The following P2RY12 variants were observed in gnomAD, a reference collection of about 807,000 sequenced individuals.
P2RY12 encodes P2Y purinoceptor 12.
Under a neutral mutation model 4.5 loss-of-function variants are expected in P2RY12, and 3 were observed. The ratio of observed to expected loss-of-function variants is 0.67; its 90% confidence interval spans 0.31 to 1.74. The LOEUF is 1.74. Among genes scored for constraint, P2RY12 ranks in the 40% most tolerant of loss-of-function variants. The pLI is 0.09. For missense variants in P2RY12, 356 were observed against 407.8 expected (o/e 0.87, Z 1.09); for synonymous variants, 148 against 154.1 (o/e 0.96, Z 0.29).
chr3:151,368,057 T>TA, intron 1 of P2RY12: 1 of 623,156 alleles, frequency 1.6e-6, no homozygotes, highest in South Asian at 2.4e-5. Flanking sequence ...TTTATTTAAA[T>TA]AATTATTCCA....
At chr3:151,359,048 CAGT>C (rs1189264266) in intron 1 of P2RY12, among the ~76,000 whole-genome samples, 2 of 152,072 alleles carry the variant, frequency 1.3e-5, no homozygotes, top group East Asian at 1.9e-4. Flanking sequence ...GCATAGTACT[CAGT>C]AGGTAGTTTT....
intron 1 of P2RY12, among the ~76,000 whole-genome samples, chr3:151,382,353 G>A (rs965209905): frequency 6.6e-6 from 1 of 152,098 alleles, no homozygotes; most frequent in Non-Finnish European, 1.5e-5. Context: ...ATGAGGTAAT[G>A]TATTTTAAAA....
intron 1 of P2RY12, chr3:151,350,089 C>T (rs1753031844): frequency 1.2e-6 from 2 of 1,612,134 alleles, no homozygotes; most frequent in Non-Finnish European, 8.5e-7. Flanking sequence ...ATGTAACCAG[C>T]GCACAATCCT....
intron 1 of P2RY12, among the ~76,000 whole-genome samples, chr3:151,381,890 T>A (rs1712419865): frequency 6.6e-6 from 1 of 152,230 alleles, no homozygotes; most frequent in Non-Finnish European, 1.5e-5. Context: ...GGAGTACTTC[T>A]GCATGTGACT....
chr3:151,344,593 G>A (rs796603311), intron 1 of P2RY12, among the ~76,000 whole-genome samples: 6 of 152,280 alleles, frequency 3.9e-5, no homozygotes, highest in African/African-American at 1.4e-4. Flanking sequence ...GTTGCTATGT[G>A]CAGTTTACTT....
intron 1 of P2RY12, among the ~76,000 whole-genome samples, chr3:151,356,990 T>C (rs1396157205): frequency 1.3e-5 from 2 of 152,170 alleles, no homozygotes; most frequent in African/African-American, 4.8e-5. Context: ...GAAGTTTCAG[T>C]ACCTTATTTC....
At chr3:151,368,737 T>TTCATTTCATTTCATG (rs1755780661) in intron 1 of P2RY12, among the ~76,000 whole-genome samples, 4 of 77,156 alleles carry the variant, frequency 5.2e-5, no homozygotes, top group Non-Finnish European at 1.1e-4. Flanking sequence ...TTCATTTCAT[T>TTCATTTCATTTCATG]TCATTTCATT....
At chr3:151,370,276 A>G (rs1756012339) in intron 1 of P2RY12, among the ~76,000 whole-genome samples, 2 of 152,292 alleles carry the variant, frequency 1.3e-5, no homozygotes, top group Admixed American at 6.5e-5. Flanking sequence ...GCCTAATTCC[A>G]ACTTTGGGTA....
intron 1 of P2RY12, chr3:151,376,130 G>A: frequency 6.2e-7 from 1 of 1,610,862 alleles, no homozygotes; most frequent in Non-Finnish European, 8.5e-7. Context: ...AGAAATTACT[G>A]CAGCTTATCT....
chr3:151,341,389 T>C (rs1368659009), intron 1 of P2RY12, among the ~76,000 whole-genome samples: 1 of 152,074 alleles, frequency 6.6e-6, no homozygotes, highest in Non-Finnish European at 1.5e-5. Flanking sequence ...TGAATAGAAT[T>C]TAAATATAAA....
At chr3:151,348,796 C>T (rs186216161) in intron 1 of P2RY12, among the ~76,000 whole-genome samples, 21 of 152,238 alleles carry the variant, frequency 1.4e-4, no homozygotes, top group Admixed American at 2.6e-4. Context: ...GAAAAACAGG[C>T]GCTTAGTTTA....
At chr3:151,376,693 G>T (rs886818677) in intron 1 of P2RY12, 69 of 897,938 alleles carry the variant, frequency 7.7e-5, no homozygotes, top group Non-Finnish European at 3.5e-6. Flanking sequence ...TTATTTCATT[G>T]TGTATGATTA....
chr3:151,368,111 T>G, intron 1 of P2RY12: 1 of 1,495,312 alleles, frequency 6.7e-7, no homozygotes, highest in Non-Finnish European at 9.3e-7. Flanking sequence ...TGTTCCCAAG[T>G]GTGTTAGAAA....
intron 1 of P2RY12, among the ~76,000 whole-genome samples, chr3:151,371,219 C>A (rs1756145565): frequency 6.6e-6 from 1 of 152,188 alleles, no homozygotes; most frequent in Non-Finnish European, 1.5e-5. Flanking sequence ...AACCAACTCT[C>A]AATTCCTATC....
chr3:151,359,849 G>A (rs1308591200), intron 1 of P2RY12, among the ~76,000 whole-genome samples: 2 of 152,116 alleles, frequency 1.3e-5, no homozygotes, highest in Non-Finnish European at 2.9e-5. Context: ...GGACTTCTGT[G>A]TTGTATGGAC....
At chr3:151,370,233 C>T (rs1421177438) in intron 1 of P2RY12, among the ~76,000 whole-genome samples, 2 of 152,120 alleles carry the variant, frequency 1.3e-5, no homozygotes, top group Non-Finnish European at 2.9e-5. Flanking sequence ...ATCTTAAAGG[C>T]TTTGAATGAT....
chr3:151,374,230 GATTA>G (rs892992368), intron 1 of P2RY12, among the ~76,000 whole-genome samples: 15 of 151,298 alleles, frequency 9.9e-5, no homozygotes, highest in African/African-American at 3.4e-4. Flanking sequence ...GTCAAAAAAT[GATTA>G]ATTAAAATAC....
chr3:151,357,293 G>A lies in P2RY12; in HGVS notation c.-179-16533C>T, dbSNP rs564675820. ...TGGCAGGAAGTTATACAACAGGACT[G>A]TGTGTCTGCATCGTGGCTGTTCTCA... On this transcript the variant is annotated intron_variant, in intron 1 of 2. Transcript: ENST00000302632. 8 of 1,613,900 alleles carry A rather than the reference G, an allele frequency of 5.0e-6. No homozygotes were observed. The African/African-American group carries it at 9.3e-5, about 19-fold the overall frequency.
rs1230496034 is a variant in P2RY12, at chr3:151,383,788, A to G, written c.-180+904T>C. 6.2e-7 allele frequency: 1 copy of G among 1,610,310 alleles called. No individual in the cohort carries two copies. The highest frequency in any genetic ancestry group is 8.5e-7 in the Non-Finnish European group (1 of 1,177,996). On this transcript the variant is annotated intron_variant, in intron 1 of 2. Coordinates refer to ENST00000302632, the MANE Select transcript of P2RY12 (RefSeq NM_022788.5). ...GTATTTTGTCTGCTAGGTAGGAGGAATGTTTGACACGGTGCAGAGGAGCAC... is the reference window on the plus strand; with the variant it reads ...GTATTTTGTCTGCTAGGTAGGAGGAGTGTTTGACACGGTGCAGAGGAGCAC...
Sources: gnomAD v4.1 joint callset for allele counts (sites outside exome capture counted in the v4.1 genomes callset) on GRCh38, gnomAD v4.1.1 for gene constraint, MANE v1.5 for transcripts, NCBI Gene and HGNC (gene_info 2026-07-23, HGNC 2026-07-21) for gene names.